SLC44A1: variants seen among roughly 807,000 people sequenced by gnomAD.
SLC44A1 encodes choline transporter-like protein 1.
SLC44A1 carries 26 observed loss-of-function variants against 79.3 expected under a neutral mutation model. The observed-to-expected ratio is 0.33, with a 90% CI of 0.24 to 0.46. The LOEUF is 0.46. SLC44A1 is among the 20% of genes least tolerant of loss of function. SLC44A1 has a pLI of 1.00. For synonymous variants in SLC44A1, 263 were observed against 286.2 expected (o/e 0.92, Z 0.82); for missense variants, 688 against 798.1 (o/e 0.86, Z 1.66).
intron 15 of SLC44A1, among the ~76,000 whole-genome samples, chr9:105,408,546 A>T (rs1829057691): frequency 6.6e-6 from 1 of 152,086 alleles, no homozygotes; most frequent in African/African-American, 2.4e-5. Flanking sequence ...AGTAGCTGGG[A>T]CTACAGGTGC....
In SLC44A1 at chr9:105,395,439, G is replaced by A. The variant is rs1211537960; in HGVS notation, c.*6383G>A. 8.2e-6 allele frequency: 5 copies of A among 611,214 alleles called. No homozygotes were observed. The highest frequency in any genetic ancestry group is 8.2e-6 in the Non-Finnish European group (4 of 488,158). The allele number at this position is 611,214 out of a possible 1,614,324, so 37.9% of individuals were successfully genotyped here. A position where few individuals can be genotyped will look rare whatever the true frequency, so the allele number is the denominator to read the frequency against. On this transcript the variant is annotated 3_prime_UTR_variant, in exon 16 of 16. Transcript: ENST00000374720. ...TCACCACGTTGGCCAGGCCAATCTC[G>A]AACTCCTGACCTCAGGTGATCCACC... is the stretch of plus-strand genomic sequence containing the variant.
At chr9:105,370,558 G>T (rs1828064879) in intron 12 of SLC44A1, among the ~76,000 whole-genome samples, 1 of 152,160 alleles carries the variant, frequency 6.6e-6, no homozygotes, top group African/African-American at 2.4e-5. Context: ...ATGGGGCAGG[G>T]TGGGGTGATA....
intron 4 of SLC44A1, among the ~76,000 whole-genome samples, chr9:105,336,862 T>G (rs1826940899): frequency 6.6e-6 from 1 of 152,182 alleles, no homozygotes. Flanking sequence ...GTGCTGACTG[T>G]CACTGACTGG....
intron 3 of SLC44A1, among the ~76,000 whole-genome samples, chr9:105,325,800 G>A (rs1177308840): frequency 6.6e-6 from 1 of 152,098 alleles, no homozygotes; most frequent in Non-Finnish European, 1.5e-5. Flanking sequence ...TTTCTTTTGG[G>A]GGTGACAAAA....
intron 4 of SLC44A1, among the ~76,000 whole-genome samples, chr9:105,339,128 C>G (rs1588799939): frequency 6.6e-6 from 1 of 151,928 alleles, no homozygotes; most frequent in Non-Finnish European, 1.5e-5. Flanking sequence ...AACTGTACAT[C>G]AAAGGACAAA....
chr9:105,251,349 C>G (rs1829583626), intron 1 of SLC44A1, among the ~76,000 whole-genome samples: 3 of 152,172 alleles, frequency 2.0e-5, no homozygotes, highest in Admixed American at 6.5e-5. Context: ...TTGACCTTCT[C>G]AACGTCACTG....
At chr9:105,361,814 A>G (rs1318957185) in intron 8 of SLC44A1, among the ~76,000 whole-genome samples, 2 of 152,204 alleles carry the variant, frequency 1.3e-5, no homozygotes, top group Admixed American at 1.3e-4. Context: ...GCACTTTGGG[A>G]GACTGAAGTG....
rs1484292519 is a variant in SLC44A1, at chr9:105,389,416, A to G, written c.*360A>G. 9 of 1,039,204 alleles carry G rather than the reference A, an allele frequency of 8.7e-6. No individual in the cohort carries two copies. Among genetic ancestry groups the G allele is most frequent in the Non-Finnish European group, 1.0e-5 (9 of 862,426 alleles). The allele number at this position is 1,039,204 out of a possible 1,614,324, so 64.4% of individuals were successfully genotyped here. ...TTAACTTTATTTAAAAATAGGTAAA[A>G]TTATTGTACCTAATTATGTCTAAAG... On this transcript the variant is annotated 3_prime_UTR_variant, in exon 16 of 16. Coordinates refer to ENST00000374720, the MANE Select transcript of SLC44A1 (RefSeq NM_080546.5).
chr9:105,436,889 C>T (rs575656310), intron 15 of SLC44A1, among the ~76,000 whole-genome samples: 8 of 152,162 alleles, frequency 5.3e-5, no homozygotes, highest in Admixed American at 3.3e-4. Context: ...CACCTGGAGA[C>T]AAGCAGAGCC....
At chr9:105,282,412 T>G (rs1588730496) in intron 1 of SLC44A1, among the ~76,000 whole-genome samples, 1 of 152,214 alleles carries the variant, frequency 6.6e-6, no homozygotes, top group Non-Finnish European at 1.5e-5. Flanking sequence ...TTGTGAATGT[T>G]TGCTGATCAT....
intron 13 of SLC44A1, among the ~76,000 whole-genome samples, chr9:105,377,904 A>G (rs1257930252): frequency 2.0e-5 from 3 of 152,100 alleles, no homozygotes; most frequent in Non-Finnish European, 2.9e-5. Context: ...GTAATGTGGT[A>G]AGGACTGTTA....
intron 15 of SLC44A1, among the ~76,000 whole-genome samples, chr9:105,411,493 T>C (rs989044060): frequency 1.3e-5 from 2 of 151,250 alleles, no homozygotes; most frequent in African/African-American, 4.9e-5. Context: ...CGTGTGCATT[T>C]TACAGACCTT....
Position 105,393,238 on chromosome 9 carries a change from A to G in SLC44A1, c.*4182A>G. On this transcript the variant is annotated 3_prime_UTR_variant, in exon 16 of 16. Transcript: ENST00000374720. ...ATTCATGTATCTTTGTGTGCTAAGA[A>G]TGCATGTTAGCCCTTTTGAAAAGTA... 1.0e-6 allele frequency: 1 copy of G among 985,310 alleles called. No homozygotes were observed. The highest frequency in any genetic ancestry group is 4.7e-5 in the South Asian group (1 of 21,286). 61.0% of individuals were successfully genotyped at this position (985,310 alleles called of 1,614,324 possible).
At chr9:105,261,773 C>CTTTTTT (rs1829844706) in intron 1 of SLC44A1, among the ~76,000 whole-genome samples, 1 of 137,980 alleles carries the variant, frequency 7.2e-6, no homozygotes, top group Non-Finnish European at 1.5e-5. Flanking sequence ...TTCTCTCTCT[C>CTTTTTT]TCTTTTTTTT....
At chr9:105,302,597 A>T (rs1194302746) in intron 2 of SLC44A1, among the ~76,000 whole-genome samples, 2 of 151,366 alleles carry the variant, frequency 1.3e-5, no homozygotes, top group African/African-American at 4.9e-5. Flanking sequence ...AGTGATCTGC[A>T]TGCCTCGGCC....
At chr9:105,306,501 A>G (rs2131302776) in intron 2 of SLC44A1, among the ~76,000 whole-genome samples, 1 of 152,122 alleles carries the variant, frequency 6.6e-6, no homozygotes, top group East Asian at 1.9e-4. Flanking sequence ...AGAAGTCCCT[A>G]GGATGATAGT....
chr9:105,397,339 G>C lies in SLC44A1; in HGVS notation c.*8283G>C. On this transcript the variant is annotated 3_prime_UTR_variant, in exon 16 of 16. Transcript: ENST00000374720. ...TTTATGTAATAAATAAAATTTTATA[G>C]GAAAGAATGTTATTGTCTACTGTGT... is the stretch of plus-strand genomic sequence containing the variant. 4 of 980,802 alleles carry C rather than the reference G, an allele frequency of 4.1e-6. No individual in the cohort carries two copies. The highest frequency in any genetic ancestry group is 4.8e-6 in the Non-Finnish European group (4 of 825,788). The allele number at this position is 980,802 out of a possible 1,614,324, so 60.8% of individuals were successfully genotyped here.
At chr9:105,307,063 T>C (rs1473985547) in intron 2 of SLC44A1, among the ~76,000 whole-genome samples, 6 of 152,216 alleles carry the variant, frequency 3.9e-5, no homozygotes, top group Non-Finnish European at 8.8e-5. Context: ...CTCTTTAGTC[T>C]GACTTTCCCA....
chr9:105,325,109 C>T (rs985921780), intron 3 of SLC44A1, among the ~76,000 whole-genome samples: 46 of 152,186 alleles, frequency 3.0e-4, no homozygotes, highest in Non-Finnish European at 7.4e-5. Flanking sequence ...CACAAATGTA[C>T]ATCAACTGAT....
Sources: allele counts gnomAD v4.1 joint callset (sites outside exome capture counted in the v4.1 genomes callset), GRCh38; gene constraint gnomAD v4.1.1; transcripts MANE v1.5; gene names NCBI Gene and HGNC (gene_info 2026-07-23, HGNC 2026-07-21).